Variants in TENM1 observed in about 807,000 individuals in gnomAD.
TENM1 encodes teneurin-1.
A neutral mutation model predicts 174.8 loss-of-function variants in TENM1; 35 were observed. That is an observed-to-expected ratio of 0.20 (90% CI 0.15 to 0.27). The LOEUF (loss-of-function observed/expected upper bound fraction) is 0.27. TENM1 is among the 10% of genes least tolerant of loss of function. TENM1 has a pLI of 1.00. For missense variants in TENM1, 1,633 were observed against 2,130.1 expected (o/e 0.77, Z 4.59); for synonymous variants, 781 against 798.7 (o/e 0.98, Z 0.37).
At chrX:124,474,474 A>C (rs2061366587) in intron 22 of TENM1, among the ~76,000 whole-genome samples, 1 of 112,104 alleles carries the variant, frequency 8.9e-6, no homozygotes, top group Admixed American at 9.5e-5. Context: ...TGCTTGCTAG[A>C]ATCTGATGCA....
chrX:124,886,694 T>A (rs2057395367), intron 3 of TENM1, among the ~76,000 whole-genome samples: 1 of 100,612 alleles, frequency 9.9e-6, no homozygotes, highest in Admixed American at 1.1e-4. Flanking sequence ...AAGACAAATA[T>A]CACACTAGGA....
At chrX:124,565,915 GTC>G (rs2048931305) in intron 11 of TENM1, among the ~76,000 whole-genome samples, 1 of 112,193 alleles carries the variant, frequency 8.9e-6, no homozygotes, top group South Asian at 3.6e-4. Context: ...AGGTAGTTAA[GTC>G]TCTAAGAATA....
chrX:124,488,214 G>A (rs188450384), intron 20 of TENM1, among the ~76,000 whole-genome samples: 231 of 112,108 alleles, frequency 2.1e-3, no homozygotes, highest in African/African-American at 7.2e-3. Context: ...GGTCAAGTCT[G>A]CCCAGAATTA....
At chrX:124,580,262 C>G (rs1272127736) in intron 11 of TENM1, among the ~76,000 whole-genome samples, 1 of 111,114 alleles carries the variant, frequency 9.0e-6, no homozygotes, top group East Asian at 2.8e-4. Flanking sequence ...CAATAAAATA[C>G]TATTCAACCT....
intron 22 of TENM1, among the ~76,000 whole-genome samples, chrX:124,455,720 G>A (rs2061097053): frequency 9.0e-6 from 1 of 110,810 alleles, no homozygotes. Flanking sequence ...TAAAGAATCT[G>A]GTTACACTGA....
chrX:124,464,595 AT>A (rs2061220541), intron 22 of TENM1, among the ~76,000 whole-genome samples: 1 of 112,002 alleles, frequency 8.9e-6, no homozygotes, highest in Non-Finnish European at 1.9e-5. Context: ...AGGCAGGGTA[AT>A]GAGCACTGCG....
chrX:124,461,504 C>T (rs1259522008), intron 22 of TENM1, among the ~76,000 whole-genome samples: 2 of 111,490 alleles, frequency 1.8e-5, no homozygotes, highest in Non-Finnish European at 3.8e-5. Flanking sequence ...AACTAAGTAC[C>T]CATCAATAGG....
chrX:125,045,967 A>G, the TENM1 span, among the ~76,000 whole-genome samples: 1 of 111,921 alleles, frequency 8.9e-6, no homozygotes, highest in Non-Finnish European at 1.9e-5. Flanking sequence ...TTTCTCTTGA[A>G]GAAGAGCAAC....
intron 18 of TENM1, among the ~76,000 whole-genome samples, chrX:124,512,334 A>C (rs1429551392): frequency 9.0e-6 from 1 of 111,472 alleles, no homozygotes; most frequent in Non-Finnish European, 1.9e-5. Flanking sequence ...GAAACTAAAT[A>C]AAATACAATG....
chrX:124,781,562 T>C (rs2054912986), intron 3 of TENM1, among the ~76,000 whole-genome samples: 1 of 111,893 alleles, frequency 8.9e-6, no homozygotes, highest in Admixed American at 9.5e-5. Context: ...AGCAATCATT[T>C]TTTTTGGATG....
chrX:124,753,132 C>T (rs1241707913), intron 3 of TENM1, among the ~76,000 whole-genome samples: 2 of 109,168 alleles, frequency 1.8e-5, no homozygotes, highest in Non-Finnish European at 3.8e-5. Context: ...ATGGAATGTT[C>T]TTCCATTTCT....
chrX:125,003,229 T>C, the TENM1 span, among the ~76,000 whole-genome samples: 1 of 111,638 alleles, frequency 9.0e-6, no homozygotes, highest in Non-Finnish European at 1.9e-5. Flanking sequence ...CTGATCCTCC[T>C]TTCCATAAAC....
chrX:125,059,185 T>C, the TENM1 span, among the ~76,000 whole-genome samples: 2 of 110,774 alleles, frequency 1.8e-5, no homozygotes, highest in Admixed American at 9.7e-5. Context: ...TCAGAAGAAG[T>C]AGGACCTGAA....
At chrX:124,918,861 T>G (rs1163207658) in intron 1 of TENM1, among the ~76,000 whole-genome samples, 2 of 111,718 alleles carry the variant, frequency 1.8e-5, no homozygotes, top group African/African-American at 6.5e-5. Flanking sequence ...TTTTAAAAAA[T>G]GGAGCTAGGA....
At chrX:124,809,721 A>T (rs1274091579) in intron 3 of TENM1, among the ~76,000 whole-genome samples, 1 of 110,593 alleles carries the variant, frequency 9.0e-6, no homozygotes, top group African/African-American at 3.3e-5. Context: ...TGAGTAATTT[A>T]TAAAGTAAAG....
intron 1 of TENM1, among the ~76,000 whole-genome samples, chrX:124,942,352 T>C (rs7057892): frequency 0.15 from 16,814 of 111,015 alleles, 3,172 homozygotes; most frequent in African/African-American, 0.52. Context: ...CCTCATTGCC[T>C]ACAGAAACGA....
intron 13 of TENM1, among the ~76,000 whole-genome samples, chrX:124,563,204 C>A (rs902548716): frequency 2.4e-4 from 26 of 109,707 alleles, no homozygotes; most frequent in African/African-American, 8.3e-4. Flanking sequence ...GGCAGAAAAA[C>A]CCTTGCTGTC....
chrX:124,811,104 T>C (rs1276719437), intron 3 of TENM1, among the ~76,000 whole-genome samples: 4 of 110,978 alleles, frequency 3.6e-5, no homozygotes, highest in African/African-American at 1.3e-4. Flanking sequence ...CTCCATAATA[T>C]TGGCTTGGGC....
intron 11 of TENM1, among the ~76,000 whole-genome samples, chrX:124,628,928 T>A (rs1449272827): frequency 2.7e-5 from 3 of 111,624 alleles, no homozygotes; most frequent in Non-Finnish European, 5.7e-5. Context: ...ATTTCGCCTA[T>A]AGTGAGGATG....
Sources: allele counts gnomAD v4.1 joint callset (sites outside exome capture counted in the v4.1 genomes callset), GRCh38; gene constraint gnomAD v4.1.1; transcripts MANE v1.5; gene names NCBI Gene and HGNC (gene_info 2026-07-23, HGNC 2026-07-21).